Variants in IARS1 observed in about 807,000 individuals in gnomAD.
IARS1 encodes isoleucyl-tRNA synthetase 1.
Under a neutral mutation model 168.2 loss-of-function variants are expected in IARS1, and 124 were observed. That is an observed-to-expected ratio of 0.74 (90% CI 0.64 to 0.86). The LOEUF (loss-of-function observed/expected upper bound fraction) is 0.86. IARS1 is among the 40% of genes least tolerant of loss of function. The probability of loss-of-function intolerance (pLI) is 0.00; values close to 1 mark genes in which losing one functional copy is unlikely to be tolerated. For missense variants in IARS1, 1,452 were observed against 1,515.8 expected (o/e 0.96, Z 0.70); for synonymous variants, 532 against 529.4 (o/e 1.00, Z -0.07).
rs575854918 is a variant in IARS1 at position 92,282,498 on chromosome 9, C to T, written c.598-1605G>A. ...TGTAAAAAATTAAAATTTTTTAGCA[C>T]GGTGGCTCATGCCTATAATCCTGGC... On this transcript the variant is annotated intron_variant, in intron 6 of 33. Coordinates refer to ENST00000443024, the MANE Select transcript of IARS1 (RefSeq NM_002161.6). Among the ~76,000 whole-genome samples the T allele has an allele frequency of 2.2e-4, 33 of 151,908 alleles. 1 individual carries two copies. The Middle Eastern group carries it at 0.01, about 48-fold the overall frequency.
At chr9:92,221,062 C>T (rs1839600968) in intron 33 of IARS1, among the ~76,000 whole-genome samples, 1 of 152,028 alleles carries the variant, frequency 6.6e-6, no homozygotes, top group Non-Finnish European at 1.5e-5. Context: ...TCATAAACTG[C>T]AGAAAGTAAA....
chr9:92,274,916 T>C (rs1833581133), intron 9 of IARS1, among the ~76,000 whole-genome samples: 1 of 152,200 alleles, frequency 6.6e-6, no homozygotes. Flanking sequence ...TTGCTTCTCT[T>C]TCTCCTTTCA....
chr9:92,213,229 G>A, intron 33 of IARS1, among the ~76,000 whole-genome samples: 1 of 152,072 alleles, frequency 6.6e-6, no homozygotes, highest in African/African-American at 2.4e-5. Context: ...TGGCACTAAA[G>A]AGCTAGGAAA....
intron 6 of IARS1, among the ~76,000 whole-genome samples, chr9:92,284,434 A>T (rs1456581997): frequency 6.6e-6 from 1 of 151,360 alleles, no homozygotes; most frequent in Non-Finnish European, 1.5e-5. Flanking sequence ...GAAATTAATT[A>T]TACCATTCTG....
chr9:92,252,003 T>C (rs2273860), intron 21 of IARS1, 118 bp from the exon 22 acceptor site: 29,222 of 753,930 alleles, frequency 0.039, 776 homozygotes, highest in South Asian at 0.072. Context: ...AGACAAGACA[T>C]GAGACAGAGA....
chr9:92,292,827 C>G (rs1836592240), intron 1 of IARS1, among the ~76,000 whole-genome samples: 1 of 152,170 alleles, frequency 6.6e-6, no homozygotes, highest in African/African-American at 2.4e-5. Flanking sequence ...TTTAGAAACG[C>G]ACACTAAAAC....
chr9:92,265,547 A>G lies in IARS1; in HGVS notation c.1438T>C (p.Cys480Arg), dbSNP rs1832169037. Reference sequence around the variant, plus strand: ...TCAAGTTCCGCCACTGACCCAATGCATACCACCTGTCAAAAACAAAGTTCA... The same window carrying G: ...TCAAGTTCCGCCACTGACCCAATGCGTACCACCTGTCAAAAACAAAGTTCA... ...WVSDDFEEVV[C>R]IGSVAELEEL... Residue 480 changes from cysteine (C) to arginine (R), a missense_variant, in exon 15 of 34, where the codon TGC becomes CGC. Physicochemically the swap from Cys to Arg is radical, Grantham distance 180. Coordinates refer to ENST00000443024, the MANE Select transcript of IARS1 (RefSeq NM_002161.6). The G allele has an allele frequency of 6.2e-7, 1 of 1,613,996 alleles. No individual in the cohort carries two copies. The highest frequency in any genetic ancestry group is 8.5e-7 in the Non-Finnish European group (1 of 1,179,890).
At chr9:92,259,118 T>C in intron 18 of IARS1, 120 bp from the exon 19 acceptor site, 2 of 837,980 alleles carry the variant, frequency 2.4e-6, no homozygotes, top group Non-Finnish European at 3.6e-6. Context: ...AGGGGGTAAT[T>C]ATGAATACTC....
Position 92,289,381 on chromosome 9 carries a change from A to T in IARS1, c.39T>A (p.Ala13=), listed in dbSNP as rs757434087. The T allele has an allele frequency of 1.3e-6, 2 of 1,591,118 alleles. No homozygotes were observed. Among genetic ancestry groups the T allele is most frequent in the Admixed American group, 1.7e-5 (1 of 59,484 alleles). ...AAAACTCCAAGATTTTCTCTTCTTC[A>T]GCAGGAAAATTTATGTTTTCTGGAA... is the stretch of plus-strand genomic sequence containing the variant. The part of the protein sequence containing the change: ...QQVPENINFP[A]EEEKILEFWT... Residue 13 remains alanine, a synonymous_variant, in exon 2 of 34, where the codon GCT becomes GCA. Transcript: ENST00000443024.
At chr9:92,282,858 A>ATTTTT (rs1267921507) in intron 6 of IARS1, among the ~76,000 whole-genome samples, 2 of 141,118 alleles carry the variant, frequency 1.4e-5, no homozygotes, top group African/African-American at 5.4e-5. Flanking sequence ...ATATATATAT[A>ATTTTT]TATTTTTTTT....
In IARS1 at chr9:92,242,253, A is replaced by C. The variant is rs1477960946; in HGVS notation, c.3078T>G (p.Ile1026Met). 1 of 1,613,716 alleles carries C rather than the reference A, an allele frequency of 6.2e-7. No individual in the cohort carries two copies. The highest frequency in any genetic ancestry group is 1.3e-5 in the African/African-American group (1 of 74,924). Residue 1026 changes from isoleucine to methionine, a missense_variant, in exon 29 of 34, where the codon ATT becomes ATG. Coordinates refer to ENST00000443024, the MANE Select transcript of IARS1 (RefSeq NM_002161.6). The stretch of plus-strand genomic sequence containing the variant: ...TAAATATGAACTCTGTGTGGCTTTC[A>C]ATAACACTATTCAGATATGTTCCTT... ...KSEGTYLNSVIESHTEFIFTT... is the reference protein window; with the variant it reads ...KSEGTYLNSVMESHTEFIFTT...
chr9:92,222,480 T>C (rs1247899426), intron 33 of IARS1, 40 bp downstream of exon 33: 2 of 1,591,882 alleles, frequency 1.3e-6, no homozygotes, highest in African/African-American at 2.7e-5. Context: ...AAATCTACTT[T>C]CAACAAAAAT....
chr9:92,250,773 G>C lies in IARS1; in HGVS notation c.2369C>G (p.Pro790Arg). ...MYQNLKVLID[P>R]VSVQDKDTLS... Reference sequence around the variant, plus strand: ...TGTGTCCTTGTCCTGAACAGAAACAGGGTCAATCAGCACCTTTAGATTCTG... The same window carrying C: ...TGTGTCCTTGTCCTGAACAGAAACACGGTCAATCAGCACCTTTAGATTCTG... The change falls in exon 23 of 34, where the codon CCT becomes CGT. Residue 790 changes from proline to arginine, a missense_variant. Coordinates refer to ENST00000443024, the MANE Select transcript of IARS1 (RefSeq NM_002161.6). The C allele has an allele frequency of 3.1e-6, 5 of 1,613,708 alleles. No individual in the cohort carries two copies. Among genetic ancestry groups the C allele is most frequent in the Non-Finnish European group, 4.2e-6 (5 of 1,179,804 alleles).
chr9:92,279,233 C>A (rs1834174157), intron 7 of IARS1, among the ~76,000 whole-genome samples: 1 of 152,214 alleles, frequency 6.6e-6, no homozygotes, highest in South Asian at 2.1e-4. Flanking sequence ...CTAGCTCTGA[C>A]CTCACAGGAA....
rs771228665 is a variant in IARS1, at chr9:92,242,118, C to T, written c.3177+36G>A. ...ACACAAAGTCAAACCTAATCTGAAA[C>T]CCTTTAGTAGTAGTTCAGTGGAACT... On this transcript the variant is annotated intron_variant, in intron 29 of 33. Coordinates refer to ENST00000443024, the MANE Select transcript of IARS1 (RefSeq NM_002161.6). The T allele has an allele frequency of 1.0e-5, 16 of 1,541,294 alleles. No individual in the cohort carries two copies. The South Asian group carries it at 1.2e-4, about 11-fold the overall frequency.
In IARS1 at chr9:92,280,861, G is replaced by A. The variant is rs142937877; in HGVS notation, c.630C>T (p.Phe210=). Residue 210 remains phenylalanine, a synonymous_variant, in exon 7 of 34, where the codon TTC becomes TTT. Coordinates refer to ENST00000443024, the MANE Select transcript of IARS1 (RefSeq NM_002161.6). ...ATACAGTTTCATCTTCTTCCAAAGG[G>A]AAAGTTACAAATACTGAAGGATCTT... ...DVQDPSVFVT[F]PLEEDETVSL... is the part of the protein sequence containing the mutation. 2.8e-5 allele frequency: 45 copies of A among 1,611,264 alleles called. No homozygotes were observed. The highest frequency in any genetic ancestry group is 3.7e-5 in the Non-Finnish European group (43 of 1,177,908).
At chr9:92,250,617 T>C in intron 23 of IARS1, 96 bp downstream of exon 23, 1 of 1,348,606 alleles carries the variant, frequency 7.4e-7, no homozygotes, top group Non-Finnish European at 1.0e-6. Flanking sequence ...AAGGCACAGA[T>C]GGAGCTGGAG....
intron 4 of IARS1, among the ~76,000 whole-genome samples, chr9:92,287,188 A>C (rs72750463): frequency 0.031 from 4,660 of 152,330 alleles, 112 homozygotes; most frequent in South Asian, 0.079. Context: ...AGGAAACCTC[A>C]CACATTGAGA....
intron 26 of IARS1, among the ~76,000 whole-genome samples, chr9:92,245,713 A>G (rs1357184573): frequency 5.9e-5 from 9 of 151,914 alleles, no homozygotes; most frequent in Non-Finnish European, 1.0e-4. Context: ...CCATCAGTGC[A>G]GAACAGTACG....
Sources: allele counts gnomAD v4.1 joint callset (sites outside exome capture counted in the v4.1 genomes callset), GRCh38; gene constraint gnomAD v4.1.1; transcripts MANE v1.5; gene names NCBI Gene and HGNC (gene_info 2026-07-23, HGNC 2026-07-21).